Variants in SPOCK1 observed in about 807,000 individuals in gnomAD.
SPOCK1 encodes the protein SPARC (osteonectin), cwcv and kazal like domains proteoglycan 1, also known as testican-1.
Under a neutral mutation model 55.3 loss-of-function variants are expected in SPOCK1, and 23 were observed. That is an observed-to-expected ratio of 0.42 (90% CI 0.30 to 0.59). The LOEUF is 0.59. Ranked by LOEUF, SPOCK1 falls within the 20% of genes least tolerant of loss-of-function variation. The pLI, the probability that SPOCK1 is intolerant of heterozygous loss-of-function variation, is 0.22. For synonymous variants in SPOCK1, 226 were observed against 221.0 expected (o/e 1.02, Z -0.20); for missense variants, 499 against 552.5 (o/e 0.90, Z 0.97).
intron 6 of SPOCK1, among the ~76,000 whole-genome samples, chr5:137,035,166 G>A (rs1751858451): frequency 6.6e-6 from 1 of 152,186 alleles, no homozygotes; most frequent in South Asian, 2.1e-4. Flanking sequence ...TTCTACAGGT[G>A]TCTGTGCTGC....
chr5:136,984,749 TCAA>T lies in SPOCK1; in HGVS notation c.991+388_991+390del, dbSNP rs201309291. Among the ~76,000 whole-genome samples, 447 of 152,336 alleles carry T rather than the reference TCAA, an allele frequency of 2.9e-3. 5 individuals are homozygous for T. Among genetic ancestry groups the T allele is most frequent in the East Asian group, 0.024 (122 of 5,184 alleles). The stretch of plus-strand genomic sequence containing the variant: ...AGAGAGTACAGCCCATCTGCCTCCT[TCAA>T]CAGACAATCCTATCCGGGGAATGGA... On this transcript the variant is annotated intron_variant, in intron 9 of 10. Transcript: ENST00000394945.
intron 2 of SPOCK1, among the ~76,000 whole-genome samples, chr5:137,336,714 T>C (rs10491305): frequency 0.073 from 11,136 of 152,246 alleles, 906 homozygotes; most frequent in African/African-American, 0.2. Flanking sequence ...CTGAATGAGT[T>C]TTTGTGACTT....
chr5:137,429,947 C>T lies in SPOCK1; in HGVS notation c.186+68426G>A, dbSNP rs539670685. 1.5e-3 allele frequency among the ~76,000 whole-genome samples: 221 copies of T among 152,266 alleles called. 2 individuals carry two copies. Among genetic ancestry groups the T allele is most frequent in the Non-Finnish European group, 1.8e-3 (121 of 68,022 alleles). ...CTGGCCTGAGTGGTCTCTCCAGAGA[C>T]GTGGCTGTTCTAGGACACCTTGTGA... On this transcript the variant is annotated intron_variant, in intron 2 of 10. Transcript: ENST00000394945.
intron 2 of SPOCK1, among the ~76,000 whole-genome samples, chr5:137,282,287 T>C (rs1056987997): frequency 6.6e-6 from 1 of 152,232 alleles, no homozygotes; most frequent in African/African-American, 2.4e-5. Flanking sequence ...AAATCAAATC[T>C]GGGTGATAGC....
chr5:137,250,946 C>T (rs1053408133), intron 3 of SPOCK1, among the ~76,000 whole-genome samples: 4 of 152,182 alleles, frequency 2.6e-5, no homozygotes, highest in African/African-American at 9.7e-5. Flanking sequence ...ACATACCCTA[C>T]ACACCAGCTG....
At chr5:137,217,765 G>T (rs1755746363) in intron 3 of SPOCK1, among the ~76,000 whole-genome samples, 1 of 152,138 alleles carries the variant, frequency 6.6e-6, no homozygotes, top group African/African-American at 2.4e-5. Flanking sequence ...GCAATCTTTT[G>T]TGGTAAGGAC....
chr5:137,408,273 T>G (rs1389614601), intron 2 of SPOCK1, among the ~76,000 whole-genome samples: 3 of 152,166 alleles, frequency 2.0e-5, no homozygotes, highest in African/African-American at 7.2e-5. Flanking sequence ...TAGGTGTCCC[T>G]CAACCCCACC....
chr5:137,001,543 C>T (rs540712914), intron 6 of SPOCK1, among the ~76,000 whole-genome samples: 10 of 152,234 alleles, frequency 6.6e-5, no homozygotes, highest in African/African-American at 1.4e-4. Context: ...AAGAAAATAC[C>T]TCCTCCACAA....
intron 2 of SPOCK1, among the ~76,000 whole-genome samples, chr5:137,309,597 G>A (rs557731078): frequency 3.4e-4 from 52 of 152,288 alleles, no homozygotes; most frequent in African/African-American, 1.3e-3. Context: ...CTCTGTCATG[G>A]GTTGAGTGCG....
At chr5:137,452,129 A>G (rs1199629478) in intron 2 of SPOCK1, among the ~76,000 whole-genome samples, 2 of 152,230 alleles carry the variant, frequency 1.3e-5, no homozygotes, top group South Asian at 2.1e-4. Context: ...TTCAATCTGT[A>G]TAACAACTAC....
chr5:136,975,679 C>T lies in SPOCK1; in HGVS notation c.*2975G>A, dbSNP rs1177167365. ...TCCTGGGATGAGCAGGGGGACAGAC[C>T]TGGACAGACACGTTGTCATTTGCTG... On this transcript the variant is annotated 3_prime_UTR_variant, in exon 11 of 11. Transcript: ENST00000394945. 2 of 152,182 alleles carry T rather than the reference C, an allele frequency of 1.3e-5. No homozygotes were observed. The highest frequency in any genetic ancestry group is 6.5e-5 in the Admixed American group (1 of 15,268). 9.4% of individuals were successfully genotyped at this position (152,182 alleles called of 1,614,324 possible).
chr5:137,145,931 G>A (rs1259901921), intron 3 of SPOCK1, among the ~76,000 whole-genome samples: 1 of 152,190 alleles, frequency 6.6e-6, no homozygotes, highest in Non-Finnish European at 1.5e-5. Context: ...GCAAGCCGGT[G>A]AGTAAAAAGG....
Position 137,112,565 on chromosome 5 carries a change from A to C in SPOCK1, c.348-4T>G. 1 of 1,612,384 alleles carries C rather than the reference A, an allele frequency of 6.2e-7. No homozygotes were observed. Among genetic ancestry groups the C allele is most frequent in the East Asian group, 2.2e-5 (1 of 44,842 alleles). ...GGCCACGTTCCCCTTCTTTTGCCTAAAGATGAGAAAAAAGGGGATAAATTA... is the reference window on the plus strand; with the variant it reads ...GGCCACGTTCCCCTTCTTTTGCCTACAGATGAGAAAAAAGGGGATAAATTA... On this transcript the variant is annotated splice_polypyrimidine_tract_variant and splice_region_variant and intron_variant, in intron 4 of 10. Coordinates refer to ENST00000394945, the MANE Select transcript of SPOCK1 (RefSeq NM_004598.4).
intron 2 of SPOCK1, among the ~76,000 whole-genome samples, chr5:137,373,829 A>G (rs990595115): frequency 6.6e-6 from 1 of 152,214 alleles, no homozygotes; most frequent in African/African-American, 2.4e-5. Context: ...TCTTACTAGC[A>G]GTGTGATGTT....
At chr5:137,312,927 T>C (rs1757814622) in intron 2 of SPOCK1, among the ~76,000 whole-genome samples, 1 of 151,484 alleles carries the variant, frequency 6.6e-6, no homozygotes, top group South Asian at 2.1e-4. Context: ...ATCTGAAGGA[T>C]GACAGCTACC....
intron 3 of SPOCK1, among the ~76,000 whole-genome samples, chr5:137,169,864 A>C (rs1035662021): frequency 1.3e-5 from 2 of 152,218 alleles, no homozygotes; most frequent in East Asian, 3.8e-4. Context: ...TCTGAATCCA[A>C]AATCTCTTGT....
intron 3 of SPOCK1, among the ~76,000 whole-genome samples, chr5:137,230,106 C>CA (rs1278734573): frequency 6.6e-6 from 1 of 152,212 alleles, no homozygotes; most frequent in African/African-American, 2.4e-5. Context: ...AAGCTTGCCC[C>CA]ATCTTTCTTT....
chr5:137,183,127 C>T (rs1300518524), intron 3 of SPOCK1, among the ~76,000 whole-genome samples: 1 of 152,094 alleles, frequency 6.6e-6, no homozygotes, highest in Non-Finnish European at 1.5e-5. Flanking sequence ...TAAATATATC[C>T]TTCCAAGCAT....
At chr5:137,298,598 C>A (rs1757531432) in intron 2 of SPOCK1, among the ~76,000 whole-genome samples, 1 of 152,154 alleles carries the variant, frequency 6.6e-6, no homozygotes, top group South Asian at 2.1e-4. Context: ...GTGTTGAAAT[C>A]TCCAGCTACA....
Sources: allele counts gnomAD v4.1 joint callset (sites outside exome capture counted in the v4.1 genomes callset), GRCh38; gene constraint gnomAD v4.1.1; transcripts MANE v1.5; gene names NCBI Gene and HGNC (gene_info 2026-07-23, HGNC 2026-07-21).